The following GPR139 variants were observed in gnomAD, a reference collection of about 807,000 sequenced individuals.
GPR139 encodes G protein-coupled receptor 139.
In GPR139, 12 loss-of-function variants were observed where a neutral mutation model predicts 25.8. The ratio of observed to expected loss-of-function variants is 0.47; its 90% CI spans 0.30 to 0.75. The LOEUF (loss-of-function observed/expected upper bound fraction) is 0.75, where lower values mean the gene tolerates loss of function less well. GPR139 is among the 30% of genes least tolerant of loss of function. The pLI is 0.07. For synonymous variants in GPR139, 184 were observed against 179.9 expected, an observed-to-expected ratio of 1.02 and a Z score of -0.18; for missense variants, 380 against 450.2, an observed-to-expected ratio of 0.84 and a Z score of 1.41.
Position 20,073,648 on chromosome 16 carries a change from C to A in GPR139, c.-32G>T, listed in dbSNP as rs776294768. 1 of 1,532,678 alleles carries A rather than the reference C, an allele frequency of 6.5e-7. No homozygotes were observed. The highest frequency in any genetic ancestry group is 8.8e-7 in the Non-Finnish European group (1 of 1,137,850). 94.9% of individuals were successfully genotyped at this position (1,532,678 alleles called of 1,614,324 possible). A position where few individuals can be genotyped will look rare whatever the true frequency, so the allele number is the denominator to read the frequency against. ...GCCCCTCGCTCCCCTTGCCGCTTCG[C>A]GCCCGGCCTGCCAGCCCGACTCTGG... On this transcript the variant is annotated 5_prime_UTR_variant, in exon 1 of 2. Transcript: ENST00000570682. The surrounding 1 kb of genome is among the most constrained non-coding windows in gnomAD (Gnocchi z 4.7).
chr16:20,060,253 T>C (rs922506591), intron 1 of GPR139, among the ~76,000 whole-genome samples: 1 of 151,928 alleles, frequency 6.6e-6, no homozygotes, highest in Non-Finnish European at 1.5e-5. Flanking sequence ...TGTGTGTGTG[T>C]GTGCGTGTGT....
intron 1 of GPR139, among the ~76,000 whole-genome samples, chr16:20,068,255 A>G (rs958056833): frequency 4.0e-5 from 6 of 148,216 alleles, no homozygotes; most frequent in African/African-American, 9.9e-5. Flanking sequence ...AAAAAAAAAA[A>G]AAAGAAAGGA....
At chr16:20,034,801 C>G (rs1270916550) in intron 1 of GPR139, among the ~76,000 whole-genome samples, 1 of 152,170 alleles carries the variant, frequency 6.6e-6, no homozygotes, top group Non-Finnish European at 1.5e-5. Flanking sequence ...ACGTGAAGAT[C>G]TAGTTCACTC....
intron 1 of GPR139, among the ~76,000 whole-genome samples, chr16:20,064,153 T>C (rs2057423526): frequency 6.6e-6 from 1 of 152,200 alleles, no homozygotes; most frequent in African/African-American, 2.4e-5. Flanking sequence ...GGGATTACAA[T>C]TCAAGATGAG....
At position 20,031,905 on chromosome 16, in the gene GPR139, C is replaced by T. The variant is rs188626855; in HGVS notation, c.892G>A (p.Ala298Thr). 135 of 1,614,192 alleles carry T rather than the reference C, an allele frequency of 8.4e-5. 1 individual carries two copies. In the East Asian group the frequency reaches 1.7e-3, roughly 21 times the overall value. Reference sequence around the variant, plus strand: ...CACTTGAAGAAAGCCTTGAGCGTGGCGGCTGCCATGGTGCGGAACCGCTTG... The same window carrying T: ...CACTTGAAGAAAGCCTTGAGCGTGGTGGCTGCCATGGTGCGGAACCGCTTG... Reference protein sequence around the residue: ...ISKRFRTMAAATLKAFFKCQK... With the variant: ...ISKRFRTMAATTLKAFFKCQK... The change falls in exon 2 of 2, where the codon GCC becomes ACC. Residue 298 changes from alanine to threonine, a missense_variant. Coordinates refer to ENST00000570682, the MANE Select transcript of GPR139 (RefSeq NM_001002911.4).
At chr16:20,041,499 C>T (rs2057336170) in intron 1 of GPR139, among the ~76,000 whole-genome samples, 1 of 151,954 alleles carries the variant, frequency 6.6e-6, no homozygotes, top group Non-Finnish European at 1.5e-5. Context: ...TGATGGGGCA[C>T]TGCCTCTGGT....
chr16:20,046,803 T>A (rs2141206891), intron 1 of GPR139, among the ~76,000 whole-genome samples: 1 of 152,240 alleles, frequency 6.6e-6, no homozygotes, highest in Admixed American at 6.5e-5. Flanking sequence ...GCTCAGTGGC[T>A]CACACCTACA....
intron 1 of GPR139, among the ~76,000 whole-genome samples, chr16:20,064,689 G>A (rs914566512): frequency 6.6e-6 from 1 of 152,158 alleles, no homozygotes; most frequent in African/African-American, 2.4e-5. Context: ...CTGTGAAAAA[G>A]GGATTCTTAT....
chr16:20,041,206 G>C (rs2057331540), intron 1 of GPR139, among the ~76,000 whole-genome samples: 3 of 2,044 alleles, frequency 1.5e-3, no homozygotes, highest in Non-Finnish European at 2.9e-3. Context: ...GGGAGGAGAG[G>C]AGAGGAGAGG....
chr16:20,042,146 G>A (rs778743634), intron 1 of GPR139, among the ~76,000 whole-genome samples: 10 of 152,118 alleles, frequency 6.6e-5, no homozygotes, highest in Non-Finnish European at 1.2e-4. Context: ...TCTGTGAAAT[G>A]GGCATCGTAA....
In GPR139 at chr16:20,031,822, G is replaced by T. The variant is rs2057290023; in HGVS notation, c.975C>A (p.Pro325=). Residue 325 remains proline (P), a synonymous_variant, in exon 2 of 2, where the codon CCC becomes CCA. Transcript: ENST00000570682. ...TNHNFSITSS[P]WISPANSHCI... is the part of the protein sequence containing the mutation. ...AGTGTGAGTTTGCCGGCGAGATCCA[G>T]GGGCTACTTGTTATGGAAAAGTTAT... 6.2e-7 allele frequency: 1 copy of T among 1,614,116 alleles called. No homozygotes were observed.
intron 1 of GPR139, among the ~76,000 whole-genome samples, chr16:20,068,961 G>A (rs2057448327): frequency 6.6e-6 from 1 of 151,730 alleles, no homozygotes; most frequent in African/African-American, 2.4e-5. Context: ...TTGTATTCCT[G>A]GGATAAACTC....
chr16:20,032,602 A>G lies in GPR139; in HGVS notation c.195T>C (p.Tyr65=), dbSNP rs1168858691. The G allele has an allele frequency of 6.2e-7, 1 of 1,613,996 alleles. No individual in the cohort carries two copies. Among genetic ancestry groups the G allele is most frequent in the East Asian group, 2.2e-5 (1 of 44,868 alleles). The part of the protein sequence containing the change: ...VARRQKSSYN[Y]LLALAAADIL... The stretch of plus-strand genomic sequence containing the variant: ...TGTCGGCAGCAGCGAGTGCCAAGAG[A>G]TAGTTGTAGGAGGACTTCTGTCTTC... Residue 65 remains tyrosine, a synonymous_variant, in exon 2 of 2, where the codon TAT becomes TAC. Coordinates refer to ENST00000570682, the MANE Select transcript of GPR139 (RefSeq NM_001002911.4).
chr16:20,063,565 C>T (rs2057421395), intron 1 of GPR139, among the ~76,000 whole-genome samples: 1 of 152,206 alleles, frequency 6.6e-6, no homozygotes, highest in Non-Finnish European at 1.5e-5. Context: ...ACACTAGCAC[C>T]AAGCTGAAAC....
At chr16:20,056,043 A>G (rs2057387522) in intron 1 of GPR139, among the ~76,000 whole-genome samples, 1 of 152,252 alleles carries the variant, frequency 6.6e-6, no homozygotes, top group Non-Finnish European at 1.5e-5. Context: ...TCTATCATAA[A>G]GAAGTCAGCA....
intron 1 of GPR139, among the ~76,000 whole-genome samples, chr16:20,069,834 TG>T (rs1258678103): frequency 2.0e-5 from 3 of 152,250 alleles, no homozygotes; most frequent in African/African-American, 7.2e-5. Flanking sequence ...CCTGCATTGC[TG>T]TCTCTTTTGT....
At chr16:20,057,674 G>A (rs1032095549) in intron 1 of GPR139, among the ~76,000 whole-genome samples, 3 of 151,532 alleles carry the variant, frequency 2.0e-5, no homozygotes, top group African/African-American at 7.3e-5. Context: ...ATGTGCCAAG[G>A]CCCACCAGAG....
intron 1 of GPR139, among the ~76,000 whole-genome samples, chr16:20,040,309 A>G (rs1356506526): frequency 1.4e-5 from 2 of 146,712 alleles, no homozygotes; most frequent in South Asian, 4.1e-4. Flanking sequence ...GGGGTTTGCT[A>G]TGCTGCAATA....
rs375298676 is a variant in GPR139 at position 20,036,851 on chromosome 16, G to A, written c.128-4182C>T. 4.6e-5 allele frequency among the ~76,000 whole-genome samples: 7 copies of A among 152,294 alleles called. No homozygotes were observed. In the South Asian group the frequency reaches 6.2e-4, roughly 14 times the overall value. ...AAGTGGTTTAAACAGTGTCTGGCACGTGAGAAGTGTGGAATGGATGGTAGC... is the reference window on the plus strand; with the variant it reads ...AAGTGGTTTAAACAGTGTCTGGCACATGAGAAGTGTGGAATGGATGGTAGC... On this transcript the variant is annotated intron_variant, in intron 1 of 1. Coordinates refer to ENST00000570682, the MANE Select transcript of GPR139 (RefSeq NM_001002911.4).
Sources: gnomAD v4.1 joint callset for allele counts (sites outside exome capture counted in the v4.1 genomes callset) on GRCh38, gnomAD v4.1.1 for gene constraint, Gnocchi (gnomAD v3.1) non-coding constraint, MANE v1.5 for transcripts, NCBI Gene and HGNC (gene_info 2026-07-23, HGNC 2026-07-21) for gene names.